Variants in SERPINA12 observed in about 807,000 individuals in gnomAD.
SERPINA12 encodes the protein serpin family A member 12.
In SERPINA12, 21 loss-of-function variants were observed where a neutral mutation model predicts 25.9. The ratio of observed to expected loss-of-function variants is 0.81; its 90% confidence interval spans 0.58 to 1.17. The LOEUF is 1.17. Ranked by LOEUF, SERPINA12 falls within the 50% of genes most tolerant of loss-of-function variation. The pLI is 0.00. For synonymous variants in SERPINA12, 220 were observed against 196.0 expected, an observed-to-expected ratio of 1.12 and a Z score of -1.02; for missense variants, 562 against 508.3, an observed-to-expected ratio of 1.11 and a Z score of -1.02.
chr14:94,514,497 C>A (rs1464879673), intron 2 of SERPINA12, among the ~76,000 whole-genome samples: 2 of 146,856 alleles, frequency 1.4e-5, no homozygotes. Flanking sequence ...CCTTAGAACT[C>A]AATGCAAGAA....
chr14:94,504,828 C>T lies in SERPINA12; in HGVS notation c.-34+4514G>A, dbSNP rs149037619. Among the ~76,000 whole-genome samples the T allele has an allele frequency of 9.0e-4, 137 of 152,242 alleles. 2 individuals are homozygous for T. The East Asian group carries it at 0.013, about 14-fold the overall frequency. On this transcript the variant is annotated intron_variant, in intron 1 of 4. Transcript: ENST00000677451. ...GCTGAACTCTGTTGTCTCTGCCTCC[C>T]CCTTACTTTTCTATATTTTCCAAAT...
intron 3 of SERPINA12, among the ~76,000 whole-genome samples, chr14:94,493,295 C>G (rs1900253764): frequency 6.6e-6 from 1 of 152,266 alleles, no homozygotes; most frequent in South Asian, 2.1e-4. Flanking sequence ...GGTGAGCAAG[C>G]CCCCTGTCCT....
At chr14:94,503,242 C>T (rs1442086197) in intron 1 of SERPINA12, 1 of 984,844 alleles carries the variant, frequency 1.0e-6, no homozygotes, top group Admixed American at 6.2e-5. Context: ...TAAGAGAAGC[C>T]CCATAAACAA....
At position 94,487,288 on chromosome 14, in the gene SERPINA12, A is replaced by G; in HGVS notation, c.*15T>C. The G allele has an allele frequency of 6.2e-7, 1 of 1,605,834 alleles. No homozygotes were observed. Among genetic ancestry groups the G allele is most frequent in the Non-Finnish European group, 8.5e-7 (1 of 1,174,362 alleles). ...CAAGCCATGTTCGGGGTCTGTGGCA[A>G]GCAGGAATTCTCCTTTATTTTCCAA... On this transcript the variant is annotated 3_prime_UTR_variant, in exon 5 of 5. Transcript: ENST00000677451.
intron 4 of SERPINA12, among the ~76,000 whole-genome samples, chr14:94,487,976 T>G (rs1017882891): frequency 2.6e-5 from 4 of 152,198 alleles, no homozygotes; most frequent in Non-Finnish European, 4.4e-5. Context: ...CATCAACGTC[T>G]GTAAACAGGT....
At position 94,487,414 on chromosome 14, in the gene SERPINA12, C is replaced by A. The variant is rs1282825407; in HGVS notation, c.1134G>T (p.Met378Ile). 1 of 1,614,084 alleles carries A rather than the reference C, an allele frequency of 6.2e-7. No individual in the cohort carries two copies. The highest frequency in any genetic ancestry group is 8.5e-7 in the Non-Finnish European group (1 of 1,179,996). ...CTATCTTGACGACGAGTGGTGTCTC[C>A]ATGGGCAGAGTCTGTGCTCCGGTGC... ...AAGTGAQTLP[M>I]ETPLVVKIDK... The change falls in exon 5 of 5, where the codon ATG becomes ATT. Residue 378 changes from methionine to isoleucine, a missense_variant. Met to Ile is a conservative substitution (Grantham distance 10). Coordinates refer to ENST00000677451, the MANE Select transcript of SERPINA12 (RefSeq NM_001382267.1).
intron 1 of SERPINA12, chr14:94,500,855 A>T (rs1453880387): frequency 2.0e-6 from 2 of 985,236 alleles, no homozygotes; most frequent in Non-Finnish European, 2.4e-6. Flanking sequence ...AGCCAAAAAC[A>T]TCCTCACAAA....
chr14:94,489,841 C>T (rs1900087934), intron 3 of SERPINA12, 74 bp from the exon 4 acceptor site: 1 of 1,439,022 alleles, frequency 6.9e-7, no homozygotes, highest in African/African-American at 1.4e-5. Flanking sequence ...GATACATGAC[C>T]AATGAAACAT....
At position 94,496,590 on chromosome 14, in the gene SERPINA12, G is replaced by T. The variant is rs777249703; in HGVS notation, c.688C>A (p.Leu230Met). 10 of 1,613,786 alleles carry T rather than the reference G, an allele frequency of 6.2e-6. No individual in the cohort carries two copies. Among genetic ancestry groups the T allele is most frequent in the Non-Finnish European group, 8.5e-6 (10 of 1,179,862 alleles). Residue 230 changes from leucine to methionine, a missense_variant, in exon 3 of 5, where the codon CTG (leucine) becomes ATG (methionine). Physicochemically the swap from Leu to Met is conservative, Grantham distance 15 (BLOSUM62 2). Coordinates refer to ENST00000677451, the MANE Select transcript of SERPINA12 (RefSeq NM_001382267.1). ...ACCTTGACTGAACTGTTTTTCTCCAGAAAGAAATCTTCCTCTTTAGTTACA... is the reference window on the plus strand; with the variant it reads ...ACCTTGACTGAACTGTTTTTCTCCATAAAGAAATCTTCCTCTTTAGTTACA... ...PNVTKEEDFF[L>M]EKNSSVKVPM...
chr14:94,514,576 G>A (rs2139868620), intron 2 of SERPINA12, among the ~76,000 whole-genome samples: 1 of 152,374 alleles, frequency 6.6e-6, no homozygotes. Context: ...GCTCTAAAGG[G>A]CTTGCTTTGG....
At chr14:94,509,070 T>G (rs544966349) in intron 1 of SERPINA12, among the ~76,000 whole-genome samples, 6 of 152,166 alleles carry the variant, frequency 3.9e-5, no homozygotes, top group Non-Finnish European at 7.3e-5. Context: ...GTCTTCTGGT[T>G]CTGAATCCCT....
upstream of SERPINA12, among the ~76,000 whole-genome samples, chr14:94,512,945 C>T (rs1168739665): frequency 6.6e-6 from 1 of 152,184 alleles, no homozygotes; most frequent in African/African-American, 2.4e-5. Context: ...TGAAGAAATA[C>T]GCAAGCCCAC....
In SERPINA12 at chr14:94,501,977, G is replaced by T. The variant is rs529453721; in HGVS notation, c.-33-3547C>A. 7.9e-5 allele frequency among the ~76,000 whole-genome samples: 12 copies of T among 152,044 alleles called. No individual in the cohort carries two copies. In the South Asian group the frequency reaches 1.2e-3, roughly 16 times the overall value. ...CTGGTTATTTCCCAATCAATTGATA[G>T]GTTGCTCTCCTGAGTTGAGCAATTG... On this transcript the variant is annotated intron_variant, in intron 1 of 4. Coordinates refer to ENST00000677451, the MANE Select transcript of SERPINA12 (RefSeq NM_001382267.1).
chr14:94,508,947 G>A (rs1901028126), intron 1 of SERPINA12, among the ~76,000 whole-genome samples: 1 of 152,148 alleles, frequency 6.6e-6, no homozygotes, highest in Admixed American at 6.5e-5. Flanking sequence ...TAGACATTAT[G>A]TATTTTTCAT....
chr14:94,498,275 T>C lies in SERPINA12; in HGVS notation c.123A>G (p.Gln41=). 1 of 1,614,204 alleles carries C rather than the reference T, an allele frequency of 6.2e-7. No individual in the cohort carries two copies. The highest frequency in any genetic ancestry group is 8.5e-7 in the Non-Finnish European group (1 of 1,180,030). ...TTGCAAGCTCCTTGGCTGCCATCCTTTGCTTCCATCCTTGGACCTCGCTCA... is the reference window on the plus strand; with the variant it reads ...TTGCAAGCTCCTTGGCTGCCATCCTCTGCTTCCATCCTTGGACCTCGCTCA... ...KALSEVQGWK[Q]RMAAKELARQ... The change falls in exon 2 of 5, where the codon CAA becomes CAG. Residue 41 remains glutamine (Q), a synonymous_variant. Coordinates refer to ENST00000677451, the MANE Select transcript of SERPINA12 (RefSeq NM_001382267.1).
intron 1 of SERPINA12, among the ~76,000 whole-genome samples, chr14:94,506,112 C>A (rs1480794058): frequency 6.6e-6 from 1 of 152,120 alleles, no homozygotes; most frequent in Non-Finnish European, 1.5e-5. Context: ...TCATCAGGGG[C>A]TAGAAGGATG....
At chr14:94,499,336 C>T (rs545070239) in intron 1 of SERPINA12, among the ~76,000 whole-genome samples, 1 of 152,302 alleles carries the variant, frequency 6.6e-6, no homozygotes, top group South Asian at 2.1e-4. Flanking sequence ...ATCCACCTCT[C>T]AGCTTTGACA....
intron 2 of SERPINA12, among the ~76,000 whole-genome samples, chr14:94,497,445 T>A (rs1900482666): frequency 6.6e-6 from 1 of 152,246 alleles, no homozygotes; most frequent in Non-Finnish European, 1.5e-5. Context: ...AATCTCACTC[T>A]GATTTTTTTT....
chr14:94,509,872 G>T, upstream of SERPINA12: 1 of 589,932 alleles, frequency 1.7e-6, no homozygotes, highest in Non-Finnish European at 2.1e-6. Context: ...TCTTTGAGCA[G>T]AATCGTCCAC....
Sources: allele counts gnomAD v4.1 joint callset (sites outside exome capture counted in the v4.1 genomes callset), GRCh38; gene constraint gnomAD v4.1.1; transcripts MANE v1.5; gene names NCBI Gene and HGNC (gene_info 2026-07-23, HGNC 2026-07-21).